The following SORBS2 variants were observed in gnomAD, a reference collection of about 807,000 sequenced individuals.
SORBS2 encodes sorbin and SH3 domain containing 2.
A neutral mutation model predicts 97.7 loss-of-function variants in SORBS2; 46 were observed. That is an observed-to-expected ratio of 0.47 (90% CI 0.37 to 0.60). SORBS2 has a LOEUF of 0.60. Among genes scored for constraint, SORBS2 ranks in the 20% least tolerant of loss-of-function variants. The pLI, the probability that SORBS2 is intolerant of heterozygous loss-of-function variation, is 0.00. For missense variants in SORBS2, 1,316 were observed against 1,282.3 expected (o/e 1.03, Z -0.40); for synonymous variants, 476 against 473.4 (o/e 1.01, Z -0.07).
chr4:185,680,721 G>A (rs528641202), intron 2 of SORBS2, among the ~76,000 whole-genome samples: 23 of 152,264 alleles, frequency 1.5e-4, no homozygotes, highest in Middle Eastern at 6.8e-3. Context: ...CCAGAGGCTT[G>A]GAGGTGCAAG....
Position 185,827,111 on chromosome 4 carries a change from CCAT to C in SORBS2, c.-337-51748_-337-51746del, listed in dbSNP as rs1461486586. Among the ~76,000 whole-genome samples, 23 of 31,158 alleles carry C rather than the reference CCAT, an allele frequency of 7.4e-4. No homozygotes were observed. In the East Asian group the frequency reaches 0.015, roughly 20 times the overall value. The allele number at this position is 31,158 out of a possible 152,430, so 20.4% of individuals were successfully genotyped here. A position where few individuals can be genotyped will look rare whatever the true frequency, so the allele number is the denominator to read the frequency against. On this transcript the variant is annotated intron_variant, in intron 1 of 20. Transcript: ENST00000284776. ...ATCACCATCATCATCACCATCATCG[CCAT>C]CATCATCACCATCATCATCATCATC...
intron 7 of SORBS2, among the ~76,000 whole-genome samples, chr4:185,621,558 A>T (rs1462537083): frequency 1.3e-5 from 2 of 152,230 alleles, no homozygotes; most frequent in Non-Finnish European, 2.9e-5. Context: ...TTTGAATTGT[A>T]GAAATTGATT....
intron 1 of SORBS2, among the ~76,000 whole-genome samples, chr4:185,795,052 G>A (rs529871482): frequency 2.6e-5 from 4 of 152,222 alleles, no homozygotes; most frequent in East Asian, 3.9e-4. Context: ...GTGTATAGGC[G>A]GGCTTCATGA....
intron 2 of SORBS2, among the ~76,000 whole-genome samples, chr4:185,727,735 G>A (rs551483627): frequency 2.0e-5 from 3 of 152,218 alleles, no homozygotes; most frequent in African/African-American, 7.2e-5. Context: ...ATTTTGATAC[G>A]ACCAGGTTTG....
At chr4:185,907,276 C>A (rs2099251533) in intron 1 of SORBS2, among the ~76,000 whole-genome samples, 1 of 152,158 alleles carries the variant, frequency 6.6e-6, no homozygotes, top group Non-Finnish European at 1.5e-5. Context: ...CCCTGCTAGT[C>A]TGTCTGTCCA....
At chr4:185,615,264 A>G in intron 9 of SORBS2, 105 bp from the exon 22 acceptor site, 1 of 711,090 alleles carries the variant, frequency 1.4e-6, no homozygotes, top group Non-Finnish European at 2.5e-6. Context: ...TACTTACAAT[A>G]TTAAAAAATC....
chr4:185,598,068 A>G (rs1182442928), intron 12 of SORBS2, among the ~76,000 whole-genome samples: 1 of 152,206 alleles, frequency 6.6e-6, no homozygotes, highest in Non-Finnish European at 1.5e-5. Flanking sequence ...TAGCAGTTTT[A>G]AGATAAATAT....
chr4:185,912,204 T>G lies in SORBS2; in HGVS notation c.-338+43992A>C, dbSNP rs542659280. Among the ~76,000 whole-genome samples the G allele has an allele frequency of 2.0e-5, 3 of 152,320 alleles. No homozygotes were observed. In the South Asian group the frequency reaches 6.2e-4, roughly 32 times the overall value. On this transcript the variant is annotated intron_variant, in intron 1 of 20. Transcript: ENST00000284776. ...TTTTCTCAGTGGTGTGTAGCTAGCC[T>G]CGTACAGGTGACAAAATATAGGTAA...
chr4:185,772,275 C>G (rs1165864044), intron 2 of SORBS2: 1 of 152,158 alleles, frequency 6.6e-6, no homozygotes, highest in African/African-American at 2.4e-5. Flanking sequence ...AGGGACATTG[C>G]CTTCACTGAG....
intron 1 of SORBS2, among the ~76,000 whole-genome samples, chr4:185,874,122 A>C (rs2099231979): frequency 1.3e-5 from 2 of 152,238 alleles, no homozygotes; most frequent in Admixed American, 6.5e-5. Flanking sequence ...GTTGTTAATA[A>C]TAATGAAAAA....
intron 1 of SORBS2, among the ~76,000 whole-genome samples, chr4:185,910,961 A>T (rs561552448): frequency 5.0e-4 from 75 of 150,370 alleles, no homozygotes; most frequent in South Asian, 3.6e-3. Context: ...TTGATTTTTT[A>T]AAAAAAAAAA....
At chr4:185,707,131 T>C (rs2098355902) in intron 2 of SORBS2, among the ~76,000 whole-genome samples, 1 of 152,216 alleles carries the variant, frequency 6.6e-6, no homozygotes, top group African/African-American at 2.4e-5. Flanking sequence ...GTGTTACATA[T>C]ATATTACATA....
intron 2 of SORBS2, among the ~76,000 whole-genome samples, chr4:185,695,635 G>A (rs1338844296): frequency 3.3e-5 from 5 of 151,970 alleles, no homozygotes; most frequent in African/African-American, 4.8e-5. Context: ...ACTCTCTTTG[G>A]ATAAACTGCC....
At chr4:185,669,490 A>C (rs1425860410) in intron 4 of SORBS2, among the ~76,000 whole-genome samples, 2 of 152,166 alleles carry the variant, frequency 1.3e-5, no homozygotes, top group Non-Finnish European at 2.9e-5. Context: ...CTGACACAGC[A>C]GATGTGGAAG....
In SORBS2 at chr4:185,698,864, T is replaced by C. The variant is rs577378896; in HGVS notation, c.-197-20042A>G. 9.1e-3 allele frequency among the ~76,000 whole-genome samples: 1,152 copies of C among 126,056 alleles called. 12 individuals carry two copies. Among genetic ancestry groups the C allele is most frequent in the Non-Finnish European group, 0.013 (657 of 52,544 alleles). The allele number at this position is 126,056 out of a possible 152,430, so 82.7% of individuals were successfully genotyped here. A position where few individuals can be genotyped will look rare whatever the true frequency, so the allele number is the denominator to read the frequency against. ...GGTCTAAGCCTAGACCAATAGCCAT[T>C]GATTTTTTTTTTCTGAAATCCTTAG... On this transcript the variant is annotated intron_variant, in intron 2 of 20. Coordinates refer to the SORBS2 transcript ENST00000284776.
chr4:185,690,629 TGC>T lies in SORBS2; in HGVS notation c.-197-11809_-197-11808del. 1 of 1,190,606 alleles carries T rather than the reference TGC, an allele frequency of 8.4e-7. No homozygotes were observed. The highest frequency in any genetic ancestry group is 1.2e-6 in the Non-Finnish European group (1 of 842,526). The allele number at this position is 1,190,606 out of a possible 1,614,324, so 73.8% of individuals were successfully genotyped here. ...CAGTTTTCCTGTAGGAAAAAAATGG[TGC>T]ATAATTGTTCACTAGCATGTGGAAG... is the stretch of plus-strand genomic sequence containing the variant. On this transcript the variant is annotated intron_variant, in intron 2 of 20. Transcript: ENST00000284776.
intron 1 of SORBS2, among the ~76,000 whole-genome samples, chr4:185,879,869 G>A: frequency 6.6e-6 from 1 of 152,212 alleles, no homozygotes; most frequent in East Asian, 1.9e-4. Context: ...AGGGCAGGGC[G>A]TCCACGTGTC....
At chr4:185,586,022 G>A (rs1294314507) in exon 15 of SORBS2, 4 of 152,664 alleles carry the variant, frequency 2.6e-5, no homozygotes, top group African/African-American at 9.6e-5. Flanking sequence ...TCTGCTGAAA[G>A]TGTTGTCGCA....
intron 2 of SORBS2, chr4:185,740,458 A>G (rs1251058015): frequency 1.3e-5 from 2 of 152,426 alleles, no homozygotes; most frequent in African/African-American, 4.8e-5. Context: ...CAAAGAGGTA[A>G]TTTCCAACTC....
Sources: allele counts gnomAD v4.1 joint callset (sites outside exome capture counted in the v4.1 genomes callset), GRCh38; gene constraint gnomAD v4.1.1; transcripts MANE v1.5; gene names NCBI Gene and HGNC (gene_info 2026-07-23, HGNC 2026-07-21).